Variants in FREM3 observed in about 807,000 individuals in gnomAD.
The protein encoded by FREM3 is FRAS1 related extracellular matrix 3, also known as FRAS1-related extracellular matrix protein 3.
FREM3 carries 105 observed loss-of-function variants against 129.1 expected under a neutral mutation model. The observed-to-expected ratio is 0.81, with a 90% confidence interval of 0.69 to 0.96. The LOEUF (loss-of-function observed/expected upper bound fraction) is 0.96, where lower values mean the gene tolerates loss of function less well. FREM3 is among the 40% of genes least tolerant of loss of function. The probability of loss-of-function intolerance (pLI) is 0.00; values close to 1 mark genes in which losing one functional copy is unlikely to be tolerated. For synonymous variants in FREM3, 1,014 were observed against 1,044.9 expected (o/e 0.97, Z 0.57); for missense variants, 2,593 against 2,666.3 (o/e 0.97, Z 0.61).
intron 2 of FREM3, among the ~76,000 whole-genome samples, chr4:143,630,177 G>T (rs1739113037): frequency 6.6e-6 from 1 of 152,062 alleles, no homozygotes; most frequent in Non-Finnish European, 1.5e-5. Context: ...GTGCTCAATA[G>T]GATTGTTGTG....
intron 3 of FREM3, among the ~76,000 whole-genome samples, chr4:143,625,257 C>T (rs1473750456): frequency 6.6e-6 from 1 of 152,072 alleles, no homozygotes; most frequent in Non-Finnish European, 1.5e-5. Context: ...ACCCATGCCT[C>T]ACCACTTAAG....
chr4:143,664,238 G>A (rs1262140865), intron 2 of FREM3, among the ~76,000 whole-genome samples: 3 of 152,086 alleles, frequency 2.0e-5, no homozygotes, highest in Non-Finnish European at 4.4e-5. Context: ...GGTCATTGAT[G>A]ATGGTGATGC....
chr4:143,624,686 C>A (rs2149842333), intron 3 of FREM3, among the ~76,000 whole-genome samples: 1 of 152,246 alleles, frequency 6.6e-6, no homozygotes, highest in East Asian at 1.9e-4. Context: ...TCCCAGCCCC[C>A]AGAAAGTTCA....
chr4:143,644,151 A>G (rs908988499), intron 2 of FREM3, among the ~76,000 whole-genome samples: 1 of 151,204 alleles, frequency 6.6e-6, no homozygotes, highest in Non-Finnish European at 1.5e-5. Context: ...ACTTTCTGTT[A>G]ATCTTATTCC....
At chr4:143,606,533 C>T (rs1167168401) in intron 6 of FREM3, among the ~76,000 whole-genome samples, 4 of 151,960 alleles carry the variant, frequency 2.6e-5, no homozygotes, top group African/African-American at 9.7e-5. Context: ...CAATTAGTAA[C>T]TTTAAAAGGA....
intron 6 of FREM3, among the ~76,000 whole-genome samples, chr4:143,596,360 A>G (rs984958264): frequency 1.2e-4 from 18 of 152,206 alleles, no homozygotes; most frequent in African/African-American, 4.1e-4. Flanking sequence ...TACTACTAGT[A>G]GGCAGTAGTA....
At chr4:143,629,865 T>C (rs1739107388) in intron 2 of FREM3, among the ~76,000 whole-genome samples, 1 of 152,144 alleles carries the variant, frequency 6.6e-6, no homozygotes, top group African/African-American at 2.4e-5. Flanking sequence ...TGTCTTTCAC[T>C]CTGAGCTGCC....
chr4:143,612,281 C>T (rs1335538441), intron 5 of FREM3, among the ~76,000 whole-genome samples: 1 of 152,194 alleles, frequency 6.6e-6, no homozygotes, highest in African/African-American at 2.4e-5. Context: ...CACAAATCTG[C>T]TTTGCATCAT....
chr4:143,642,320 C>T (rs989337299), intron 2 of FREM3, among the ~76,000 whole-genome samples: 2 of 151,952 alleles, frequency 1.3e-5, no homozygotes, highest in Non-Finnish European at 2.9e-5. Context: ...ATTTATATAG[C>T]GAGTAGCCAA....
intron 2 of FREM3, among the ~76,000 whole-genome samples, chr4:143,664,316 A>T (rs1739807092): frequency 6.6e-6 from 1 of 152,144 alleles, no homozygotes; most frequent in African/African-American, 2.4e-5. Context: ...CAGGACCCTC[A>T]GCTGCAGGTC....
chr4:143,627,822 C>T, intron 2 of FREM3, 62 bp from the exon 3 acceptor site: 1 of 1,080,460 alleles, frequency 9.3e-7, no homozygotes, highest in Non-Finnish European at 1.3e-6. Flanking sequence ...ATTCAATGAT[C>T]AATGTGTGCA....
chr4:143,583,041 G>T (rs6855477), intron 7 of FREM3, among the ~76,000 whole-genome samples: 150,249 of 152,084 alleles, frequency 0.99, 74,240 homozygotes, highest in Middle Eastern at 1. Flanking sequence ...CCACCATGCC[G>T]GGCTAATTTT....
intron 2 of FREM3, among the ~76,000 whole-genome samples, chr4:143,673,649 G>T (rs921619285): frequency 5.9e-5 from 9 of 152,248 alleles, no homozygotes; most frequent in African/African-American, 2.2e-4. Flanking sequence ...GTCTGCAGAG[G>T]TTTCTGCTGC....
intron 5 of FREM3, among the ~76,000 whole-genome samples, chr4:143,615,477 G>A (rs1738826858): frequency 6.6e-6 from 1 of 152,172 alleles, no homozygotes; most frequent in Non-Finnish European, 1.5e-5. Flanking sequence ...GCTGATGATT[G>A]AAGGGTGGTG....
chr4:143,628,356 C>T (rs554854498), intron 2 of FREM3, among the ~76,000 whole-genome samples: 7 of 152,172 alleles, frequency 4.6e-5, no homozygotes, highest in Admixed American at 3.9e-4. Flanking sequence ...TTGTCCACAC[C>T]GAGTCACTGG....
intron 6 of FREM3, among the ~76,000 whole-genome samples, chr4:143,609,096 A>G (rs1002094178): frequency 3.3e-5 from 5 of 152,254 alleles, no homozygotes; most frequent in African/African-American, 1.2e-4. Context: ...TTATTTCAAG[A>G]TTGGGAAACA....
In FREM3 at chr4:143,628,357, G is replaced by A. The variant is rs17017975; in HGVS notation, c.5276-597C>T. Among the ~76,000 whole-genome samples the A allele has an allele frequency of 4.8e-3, 725 of 152,204 alleles. 3 individuals are homozygous for A. The highest frequency in any genetic ancestry group is 0.016 in the African/African-American group (681 of 41,522). ...TATCTTATTTCCTCTTGTCCACACC[G>A]AGTCACTGGCCTCTTTCTGAAAGAT... On this transcript the variant is annotated intron_variant, in intron 2 of 7. Transcript: ENST00000329798.
rs565629761 is a variant in FREM3 at position 143,690,718 on chromosome 4, T to G, written c.5275+2395A>C. On this transcript the variant is annotated intron_variant, in intron 2 of 7. Transcript: ENST00000329798. ...AGAAAAAAGATTAAGTCAGCCACTG[T>G]AAAGCAATGGATTCATAATATTTCA... Among the ~76,000 whole-genome samples the G allele has an allele frequency of 3.9e-5, 6 of 152,340 alleles. No individual in the cohort carries two copies. In the South Asian group the frequency reaches 1.2e-3, roughly 32 times the overall value.
At chr4:143,675,912 CA>C (rs1037805001) in intron 2 of FREM3, among the ~76,000 whole-genome samples, 2 of 151,754 alleles carry the variant, frequency 1.3e-5, no homozygotes, top group Non-Finnish European at 2.9e-5. Flanking sequence ...GCTTACCAAC[CA>C]AAAAAAGTCC....
Sources: gnomAD v4.1 joint callset for allele counts (sites outside exome capture counted in the v4.1 genomes callset) on GRCh38, gnomAD v4.1.1 for gene constraint, MANE v1.5 for transcripts, NCBI Gene and HGNC (gene_info 2026-07-23, HGNC 2026-07-21) for gene names.